Variants in SHLD1 observed in about 807,000 individuals in gnomAD.
SHLD1 encodes RINN1-REV7-interacting novel NHEJ regulator 3.
In SHLD1, 3 loss-of-function variants were observed where a neutral mutation model predicts 5.5. The ratio of observed to expected loss-of-function variants is 0.54; its 90% CI spans 0.25 to 1.40. SHLD1 has a LOEUF of 1.40. Ranked by LOEUF, SHLD1 falls within the 40% of genes most tolerant of loss-of-function variation. The pLI is 0.15. For missense variants in SHLD1, 210 were observed against 244.4 expected, an observed-to-expected ratio of 0.86 and a Z score of 0.94; for synonymous variants, 92 against 94.3, an observed-to-expected ratio of 0.98 and a Z score of 0.14.
At chr20:5,813,021 T>A (rs2087480424) in intron 2 of SHLD1, among the ~76,000 whole-genome samples, 1 of 152,044 alleles carries the variant, frequency 6.6e-6, no homozygotes, top group Non-Finnish European at 1.5e-5. Flanking sequence ...ACCACAGGTG[T>A]GTGCCACCAT....
At chr20:5,844,800 T>TATA (rs1491104211) in intron 2 of SHLD1, among the ~76,000 whole-genome samples, 5 of 70,154 alleles carry the variant, frequency 7.1e-5, no homozygotes, top group East Asian at 1.1e-3. Flanking sequence ...TATATATATA[T>TATA]TTTTTTTTTT....
chr20:5,854,890 A>ATTTTT (rs2088062371), intron 2 of SHLD1, among the ~76,000 whole-genome samples: 1 of 67,226 alleles, frequency 1.5e-5, no homozygotes, highest in African/African-American at 1.4e-4. Context: ...TTTTTAAGAG[A>ATTTTT]CAGGTCTTGT....
At chr20:5,845,831 A>C (rs1297332157) in intron 2 of SHLD1, among the ~76,000 whole-genome samples, 1 of 152,040 alleles carries the variant, frequency 6.6e-6, no homozygotes, top group East Asian at 1.9e-4. Context: ...AGTGAAGATG[A>C]CTCCTAAGGG....
At chr20:5,786,729 T>G (rs1245201499) in intron 2 of SHLD1, among the ~76,000 whole-genome samples, 4 of 152,226 alleles carry the variant, frequency 2.6e-5, no homozygotes, top group Admixed American at 2.6e-4. Context: ...CAGACAGGCC[T>G]TGCTGGGCTC....
chr20:5,754,003 G>T (rs540290474), intron 1 of SHLD1, among the ~76,000 whole-genome samples: 15 of 152,272 alleles, frequency 9.9e-5, no homozygotes, highest in South Asian at 2.1e-4. Context: ...GGGTATTACC[G>T]CAGACAAACG....
intron 2 of SHLD1, among the ~76,000 whole-genome samples, chr20:5,856,676 T>C (rs907962558): frequency 6.6e-6 from 1 of 152,222 alleles, no homozygotes; most frequent in African/African-American, 2.4e-5. Flanking sequence ...TAAGTGATCA[T>C]TGATGACCGG....
intron 1 of SHLD1, among the ~76,000 whole-genome samples, chr20:5,764,001 C>T (rs1969528339): frequency 6.9e-6 from 1 of 145,518 alleles, no homozygotes; most frequent in African/African-American, 2.5e-5. Flanking sequence ...GTGACATGCA[C>T]CTGTAATCCC....
Position 5,861,495 on chromosome 20 carries a change from G to A in SHLD1, c.179-1529G>A, listed in dbSNP as rs539674944. Among the ~76,000 whole-genome samples the A allele has an allele frequency of 3.9e-5, 6 of 152,346 alleles. No individual in the cohort carries two copies. The East Asian group carries it at 1.2e-3, about 29-fold the overall frequency. ...GCTTTCTATAAATAAGTGTTGAATG[G>A]ATGAATGCTTGTCCATGTGTAGGCC... On this transcript the variant is annotated intron_variant, in intron 2 of 2. Transcript: ENST00000303142.
rs147415642 is a variant in SHLD1 at position 5,786,870 on chromosome 20, G to A, written c.178+13827G>A. 4.8e-3 allele frequency among the ~76,000 whole-genome samples: 696 copies of A among 144,472 alleles called. 3 individuals carry two copies. Among genetic ancestry groups the A allele is most frequent in the African/African-American group, 0.016 (632 of 39,058 alleles). The allele number at this position is 144,472 out of a possible 152,430, so 94.8% of individuals were successfully genotyped here. A position where few individuals can be genotyped will look rare whatever the true frequency, so the allele number is the denominator to read the frequency against. ...CAGGGAAGGGGAATCTCTGCCCCAG[G>A]AAGACAAAAAGGCTTCTCAAGCCAG... is the stretch of plus-strand genomic sequence containing the variant. On this transcript the variant is annotated intron_variant, in intron 2 of 2. Transcript: ENST00000303142.
intron 1 of SHLD1, among the ~76,000 whole-genome samples, chr20:5,767,224 G>A (rs989339067): frequency 2.0e-5 from 3 of 152,022 alleles, no homozygotes; most frequent in Admixed American, 1.3e-4. Flanking sequence ...ATCCCCAACT[G>A]CCTGGCTCAA....
chr20:5,817,039 A>G (rs1392776288), intron 2 of SHLD1, among the ~76,000 whole-genome samples: 1 of 152,254 alleles, frequency 6.6e-6, no homozygotes, highest in Non-Finnish European at 1.5e-5. Context: ...ACTGCACTCC[A>G]GCCTGGGTGA....
At chr20:5,850,461 G>T (rs1354059160) in intron 2 of SHLD1, among the ~76,000 whole-genome samples, 1 of 151,314 alleles carries the variant, frequency 6.6e-6, no homozygotes, top group Non-Finnish European at 1.5e-5. Context: ...CCTCGACCTG[G>T]TCTGTCTGAG....
intron 2 of SHLD1, among the ~76,000 whole-genome samples, chr20:5,804,065 C>T (rs1035512453): frequency 6.6e-6 from 1 of 151,904 alleles, no homozygotes; most frequent in Non-Finnish European, 1.5e-5. Context: ...AATGTTAGCA[C>T]TTTGAGATGC....
intron 2 of SHLD1, among the ~76,000 whole-genome samples, chr20:5,793,244 A>G (rs564152800): frequency 6.6e-6 from 1 of 151,912 alleles, no homozygotes; most frequent in African/African-American, 2.4e-5. Context: ...TGTTTTTGCT[A>G]TTTGGAGGTC....
At chr20:5,772,216 A>G (rs1230444515) in intron 1 of SHLD1, 3 of 452,010 alleles carry the variant, frequency 6.6e-6, no homozygotes, top group Non-Finnish European at 1.3e-5. Flanking sequence ...TTTGTGGCCT[A>G]TCTTTGGCAT....
intron 2 of SHLD1, among the ~76,000 whole-genome samples, chr20:5,814,822 C>G (rs917522529): frequency 2.0e-5 from 3 of 151,944 alleles, no homozygotes; most frequent in African/African-American, 7.2e-5. Context: ...GCCACCACAC[C>G]CACTAATTTT....
chr20:5,822,638 T>C (rs1265436489), intron 2 of SHLD1, among the ~76,000 whole-genome samples: 1 of 151,972 alleles, frequency 6.6e-6, no homozygotes, highest in Non-Finnish European at 1.5e-5. Flanking sequence ...AGAAGACTGT[T>C]ACAGTGGGTG....
At chr20:5,802,985 C>T (rs1255577190) in intron 2 of SHLD1, among the ~76,000 whole-genome samples, 1 of 152,174 alleles carries the variant, frequency 6.6e-6, no homozygotes, top group East Asian at 1.9e-4. Context: ...CTCTGGCTTC[C>T]ATCTGGCTTG....
At chr20:5,750,504 G>GGGGC (rs1555766067) in intron 1 of SHLD1, 25 bp downstream of exon 1, 1 of 142,346 alleles carries the variant, frequency 7.0e-6, no homozygotes, top group Non-Finnish European at 1.5e-5. Flanking sequence ...GGATGGGGGG[G>GGGGC]GGTTGGAGTG....
Sources: gnomAD v4.1 joint callset for allele counts (sites outside exome capture counted in the v4.1 genomes callset) on GRCh38, gnomAD v4.1.1 for gene constraint, MANE v1.5 for transcripts, NCBI Gene and HGNC (gene_info 2026-07-23, HGNC 2026-07-21) for gene names.